The following CIB2 variants were observed in gnomAD, a reference collection of about 807,000 sequenced individuals.
The protein encoded by CIB2 is calcium and integrin-binding family member 2.
A neutral mutation model predicts 23.1 loss-of-function variants in CIB2; 19 were observed. The ratio of observed to expected loss-of-function variants is 0.82; its 90% CI spans 0.57 to 1.21. The LOEUF is 1.21. Ranked by LOEUF, CIB2 falls within the 50% of genes most tolerant of loss-of-function variation. The probability of loss-of-function intolerance (pLI) is 0.00; values close to 1 mark genes in which losing one functional copy is unlikely to be tolerated. For missense variants in CIB2, 220 were observed against 241.5 expected, an observed-to-expected ratio of 0.91 and a Z score of 0.59; for synonymous variants, 94 against 91.7, an observed-to-expected ratio of 1.03 and a Z score of -0.14.
chr15:78,131,332 C>T lies in CIB2; in HGVS notation c.-117G>A. The T allele has an allele frequency of 1.3e-6, 1 of 790,516 alleles. No homozygotes were observed. Among genetic ancestry groups the T allele is most frequent in the Non-Finnish European group, 1.6e-6 (1 of 622,468 alleles). 49.0% of individuals were successfully genotyped at this position (790,516 alleles called of 1,614,324 possible). A position where few individuals can be genotyped will look rare whatever the true frequency, so the allele number is the denominator to read the frequency against. On this transcript the variant is annotated 5_prime_UTR_variant, in exon 1 of 6. Transcript: ENST00000258930. This position sits in a 1 kb window ranked among gnomAD's most constrained non-coding sequence, Gnocchi z 5.8. ...CGGCAGCCCCGCGGCTGGCAGCGGC[C>T]CACGGTGGCCGGACCCTTCCCGCCC...
At chr15:78,129,324 A>G (rs979661202) in intron 1 of CIB2, among the ~76,000 whole-genome samples, 2 of 152,044 alleles carry the variant, frequency 1.3e-5, no homozygotes, top group Admixed American at 1.3e-4. Context: ...GGCTCTGGCA[A>G]AGAATCAGAA....
intron 3 of CIB2, chr15:78,110,643 G>C (rs2074143532): frequency 2.2e-6 from 1 of 455,990 alleles, no homozygotes; most frequent in African/African-American, 2.0e-5. Context: ...AGGATCAGCA[G>C]CATCAGTCTC....
At chr15:78,115,580 T>C (rs144137320) in intron 2 of CIB2, among the ~76,000 whole-genome samples, 194 of 151,922 alleles carry the variant, frequency 1.3e-3, no homozygotes, top group African/African-American at 4.6e-3. Flanking sequence ...TTAAAGTATA[T>C]GTTGTTTTGT....
In CIB2 at chr15:78,131,132, G is replaced by C. The variant is rs771423166; in HGVS notation, c.51+33C>G. On this transcript the variant is annotated intron_variant, in intron 1 of 5. Transcript: ENST00000258930. This position sits in a 1 kb window ranked among gnomAD's most constrained non-coding sequence, Gnocchi z 5.8. ...AAGGGAGGGGCGGCGGGGCGGCGGG[G>C]CCTGTGTTGGGGGCCGGGCGCGCCG... 1 of 1,552,192 alleles carries C rather than the reference G, an allele frequency of 6.4e-7. No homozygotes were observed. The highest frequency in any genetic ancestry group is 1.8e-5 in the Admixed American group (1 of 55,816).
At chr15:78,116,756 T>G (rs543246885) in intron 2 of CIB2, among the ~76,000 whole-genome samples, 1 of 152,220 alleles carries the variant, frequency 6.6e-6, no homozygotes, top group East Asian at 1.9e-4. Flanking sequence ...CACAATAGTT[T>G]TTCTATTATG....
At chr15:78,126,292 G>A (rs1489624411) in intron 1 of CIB2, among the ~76,000 whole-genome samples, 8 of 152,006 alleles carry the variant, frequency 5.3e-5, no homozygotes, top group African/African-American at 1.2e-4. Flanking sequence ...ACAGGCATGC[G>A]CCACCATGCC....
chr15:78,106,503 C>G (rs1351222848), intron 4 of CIB2, among the ~76,000 whole-genome samples: 1 of 152,168 alleles, frequency 6.6e-6, no homozygotes, highest in South Asian at 2.1e-4. Context: ...TGTGCCTGGC[C>G]TTTGTGCACA....
At chr15:78,110,781 AATG>A (rs1350280357) in intron 3 of CIB2, 1 of 459,680 alleles carries the variant, frequency 2.2e-6, no homozygotes, top group African/African-American at 2.0e-5. Flanking sequence ...AAGTCTGAGA[AATG>A]ATGCTATGGA....
chr15:78,105,271 G>A lies in CIB2; in HGVS notation c.*40C>T, dbSNP rs778674736. ...CCACACCCATGTGACTGCAGGGCAG[G>A]ATGGTGGACTTCTAGGCCCCTACAG... On this transcript the variant is annotated 3_prime_UTR_variant, in exon 6 of 6. Transcript: ENST00000258930. 113 of 1,613,382 alleles carry A rather than the reference G, an allele frequency of 7.0e-5. No homozygotes were observed. The highest frequency in any genetic ancestry group is 9.2e-5 in the Non-Finnish European group (109 of 1,179,694).
Position 78,109,762 on chromosome 15 carries a change from G to A in CIB2, c.199-380C>T, listed in dbSNP as rs554355506. The stretch of plus-strand genomic sequence containing the variant: ...TTTGAGGCTTCAGTGAGCCATGATC[G>A]TCCCACTGCACTCCAGCCTGGGCGA... On this transcript the variant is annotated intron_variant, in intron 3 of 5. Coordinates refer to ENST00000258930, the MANE Select transcript of CIB2 (RefSeq NM_006383.4). Among the ~76,000 whole-genome samples the A allele has an allele frequency of 3.0e-5, 4 of 135,072 alleles. No homozygotes were observed. The East Asian group carries it at 6.5e-4, about 22-fold the overall frequency. 88.6% of individuals were successfully genotyped at this position (135,072 alleles called of 152,430 possible). A position where few individuals can be genotyped will look rare whatever the true frequency, so the allele number is the denominator to read the frequency against.
In CIB2 at chr15:78,111,203, C is replaced by T. The variant is rs201062535; in HGVS notation, c.160G>A (p.Val54Met). 17 of 1,614,146 alleles carry T rather than the reference C, an allele frequency of 1.1e-5. No homozygotes were observed. Among genetic ancestry groups the T allele is most frequent in the African/African-American group, 8.0e-5 (6 of 75,020 alleles). ...MDYRKSPIVH[V>M]PMSLIIQMPE... Reference sequence around the variant, plus strand: ...ATCTGGATGATGAGGCTCATGGGCACGTGGACGATGGGGCTCTTCCTGTAG... The same window carrying T: ...ATCTGGATGATGAGGCTCATGGGCATGTGGACGATGGGGCTCTTCCTGTAG... The change falls in exon 3 of 6, where the codon GTG becomes ATG. Residue 54 changes from valine (V) to methionine (M), a missense_variant. Coordinates refer to ENST00000258930, the MANE Select transcript of CIB2 (RefSeq NM_006383.4).
At position 78,123,874 on chromosome 15, in the gene CIB2, C is replaced by T. The variant is rs756416499; in HGVS notation, c.52-135G>A. On this transcript the variant is annotated intron_variant, in intron 1 of 5. Transcript: ENST00000258930. The stretch of plus-strand genomic sequence containing the variant: ...GAAGAGTCACTACTATCCCTTTCCA[C>T]CTTGCCCTCACCCACTGGGGACAGC... 4 of 993,118 alleles carry T rather than the reference C, an allele frequency of 4.0e-6. No homozygotes were observed. The Admixed American group carries it at 5.9e-5, about 15-fold the overall frequency. The allele number at this position is 993,118 out of a possible 1,614,324, so 61.5% of individuals were successfully genotyped here.
At chr15:78,114,942 T>G (rs182564444) in intron 2 of CIB2, among the ~76,000 whole-genome samples, 81 of 151,674 alleles carry the variant, frequency 5.3e-4, no homozygotes, top group African/African-American at 1.9e-3. Context: ...AGCATACTGG[T>G]AAATCAAATC....
At chr15:78,123,381 C>T (rs1017702685) in intron 2 of CIB2, among the ~76,000 whole-genome samples, 4 of 152,168 alleles carry the variant, frequency 2.6e-5, no homozygotes, top group Non-Finnish European at 5.9e-5. Context: ...AGTTGCTAAG[C>T]TCCATCTGTC....
At chr15:78,118,004 C>T (rs2074263416) in intron 2 of CIB2, among the ~76,000 whole-genome samples, 1 of 152,098 alleles carries the variant, frequency 6.6e-6, no homozygotes, top group Non-Finnish European at 1.5e-5. Flanking sequence ...AAATTAAAAT[C>T]GTGAAAAGCT....
chr15:78,109,450 T>C (rs1206556900), intron 3 of CIB2, 68 bp from the exon 4 acceptor site: 1 of 1,592,490 alleles, frequency 6.3e-7, no homozygotes, highest in South Asian at 1.1e-5. Context: ...AGCCAGACTG[T>C]GGACAGCCTG....
chr15:78,116,841 G>A (rs376866592), intron 2 of CIB2, among the ~76,000 whole-genome samples: 3 of 151,972 alleles, frequency 2.0e-5, no homozygotes, highest in East Asian at 1.9e-4. Context: ...AGTGCTTTGG[G>A]AGGCCAAGGG....
At chr15:78,118,588 CAAAAA>C (rs56911890) in intron 2 of CIB2, among the ~76,000 whole-genome samples, 2 of 102,512 alleles carry the variant, frequency 2.0e-5, no homozygotes. Context: ...GACTCCGTCT[CAAAAA>C]AAAAAAAAAA....
At chr15:78,127,815 A>G (rs1309276137) in intron 1 of CIB2, among the ~76,000 whole-genome samples, 6 of 152,196 alleles carry the variant, frequency 3.9e-5, no homozygotes, top group African/African-American at 1.4e-4. Flanking sequence ...CAGTGATCTT[A>G]GTTGATCCCC....
Sources: allele counts gnomAD v4.1 joint callset (sites outside exome capture counted in the v4.1 genomes callset), GRCh38; gene constraint gnomAD v4.1.1; non-coding constraint Gnocchi (gnomAD v3.1); transcripts MANE v1.5; gene names NCBI Gene and HGNC (gene_info 2026-07-23, HGNC 2026-07-21).